Variants in LCTL observed in about 807,000 individuals in gnomAD.
The protein encoded by LCTL is lactase-like protein.
LCTL carries 76 observed loss-of-function variants against 75.8 expected under a neutral mutation model. The observed-to-expected ratio is 1.00, with a 90% CI of 0.83 to 1.21. The LOEUF is 1.21. Among genes scored for constraint, LCTL ranks in the 50% most tolerant of loss-of-function variants. LCTL has a pLI of 0.00. For synonymous variants in LCTL, 271 were observed against 268.8 expected, an observed-to-expected ratio of 1.01 and a Z score of -0.08; for missense variants, 670 against 712.4, an observed-to-expected ratio of 0.94 and a Z score of 0.68.
chr15:66,548,546 G>C, exon 13 of LCTL: 1 of 1,613,772 alleles, frequency 6.2e-7, no homozygotes, highest in East Asian at 2.2e-5. Flanking sequence ...AGGACACAGA[G>C]GGAGCAGACA....
intron 12 of LCTL, 153 bp downstream of exon 13, chr15:66,549,888 A>G: frequency 2.1e-6 from 1 of 485,550 alleles, no homozygotes; most frequent in Non-Finnish European, 3.7e-6. Context: ...TTATAAATAG[A>G]AATTTGACAT....
At chr15:66,561,127 A>G (rs374319333) in intron 5 of LCTL, 26 bp from the exon 7 acceptor site, 63 of 1,613,952 alleles carry the variant, frequency 3.9e-5, no homozygotes, top group Non-Finnish European at 5.0e-5. Context: ...GCAGGACCAC[A>G]GGATCCATAA....
chr15:66,562,542 T>C (rs1895915487), intron 4 of LCTL, among the ~76,000 whole-genome samples: 1 of 152,026 alleles, frequency 6.6e-6, no homozygotes, highest in Non-Finnish European at 1.5e-5. Context: ...CTCAAACAAA[T>C]TGTAGAAAAA....
chr15:66,557,842 C>T lies in LCTL; in HGVS notation c.802G>A (p.Val268Met), dbSNP rs750636704. ...AGGTCCTTGGGGTTACTAATGTCCA[C>T]AGGTTCCCCCCAGTCACAGTTCAAT... Residue 268 changes from valine to methionine, a missense_variant, in exon 8 of 13, where the codon GTG becomes ATG. By Grantham distance (21) the Val-to-Met change is conservative. Transcript: ENST00000341509. 3.7e-6 allele frequency: 6 copies of T among 1,614,132 alleles called. No homozygotes were observed. In the South Asian group the frequency reaches 6.6e-5, roughly 18 times the overall value.
At chr15:66,557,600 G>T (rs1040219556) in intron 8 of LCTL, 122 bp downstream of exon 9, 11 of 929,334 alleles carry the variant, frequency 1.2e-5, no homozygotes, top group Non-Finnish European at 1.8e-5. Context: ...TTTGAGTCTG[G>T]ATTATCCCTT....
chr15:66,550,123 A>G lies in LCTL; in HGVS notation c.1525-19T>C, dbSNP rs1895542350. The G allele has an allele frequency of 6.5e-7, 1 of 1,546,384 alleles. No homozygotes were observed. Among genetic ancestry groups the G allele is most frequent in the East Asian group, 2.3e-5 (1 of 44,008 alleles). ...TTTCCACCTAATAAAAACCCACTTG[A>G]TAAGTAATGTTGTCTTAGACTAATT... is the stretch of plus-strand genomic sequence containing the variant. On this transcript the variant is annotated intron_variant, in intron 11 of 12. Transcript: ENST00000341509.
At chr15:66,565,253 G>A in exon 1 of LCTL, 1 of 1,605,562 alleles carries the variant, frequency 6.2e-7, no homozygotes, top group Non-Finnish European at 8.5e-7. Context: ...CGTACCAAGA[G>A]GGAAGGTTCC....
chr15:66,561,888 C>G (rs916990063), intron 4 of LCTL, among the ~76,000 whole-genome samples: 1 of 152,154 alleles, frequency 6.6e-6, no homozygotes, highest in African/African-American at 2.4e-5. Context: ...TCCCAGTCAT[C>G]TTAGCTCAGC....
At chr15:66,551,309 T>C (rs1895588791) in intron 11 of LCTL, among the ~76,000 whole-genome samples, 1 of 126,890 alleles carries the variant, frequency 7.9e-6, no homozygotes, top group Non-Finnish European at 1.6e-5. Flanking sequence ...ATCGCACTAC[T>C]GCACTCCAAC....
chr15:66,552,690 CATT>C (rs35244038), intron 9 of LCTL, among the ~76,000 whole-genome samples: 24,597 of 119,288 alleles, frequency 0.21, 3,168 homozygotes, highest in Middle Eastern at 0.36. Flanking sequence ...AAAAAAAAAA[CATT>C]GTTGGAGGGG....
At chr15:66,556,447 G>A (rs778340944) in intron 8 of LCTL, among the ~76,000 whole-genome samples, 1 of 152,102 alleles carries the variant, frequency 6.6e-6, no homozygotes, top group East Asian at 1.9e-4. Context: ...TGGGATTACA[G>A]TGGCCTACCA....
At chr15:66,564,223 T>C (rs1895964998) in intron 2 of LCTL, 1 of 570,732 alleles carries the variant, frequency 1.8e-6, no homozygotes, top group Non-Finnish European at 3.1e-6. Flanking sequence ...CTGAGAGAAG[T>C]CCATCAGGGT....
chr15:66,564,831 A>G (rs1895984400), exon 2 of LCTL: 1 of 1,611,576 alleles, frequency 6.2e-7, no homozygotes, highest in South Asian at 1.1e-5. Flanking sequence ...CCCACGCCCC[A>G]GGAGAAGCCT....
At chr15:66,552,984 C>T (rs201670869) in exon 9 of LCTL, 4 of 1,441,174 alleles carry the variant, frequency 2.8e-6, no homozygotes, top group Non-Finnish European at 2.7e-6. Flanking sequence ...TGATAATCAC[C>T]TGAGCAAAGT....
chr15:66,558,103 G>A, intron 6 of LCTL, 67 bp from the exon 8 acceptor site: 1 of 1,405,368 alleles, frequency 7.1e-7, no homozygotes, highest in Non-Finnish European at 9.7e-7. Context: ...CAATCTGAGT[G>A]GCCTTTCTTT....
intron 12 of LCTL, chr15:66,548,989 C>G (rs1895491114): frequency 6.4e-6 from 1 of 156,776 alleles, no homozygotes; most frequent in African/African-American, 2.4e-5. Flanking sequence ...TCCAATCTTT[C>G]AAAATATTAT....
chr15:66,555,302 T>A (rs1403405569), intron 8 of LCTL, among the ~76,000 whole-genome samples: 2 of 136,062 alleles, frequency 1.5e-5, no homozygotes, highest in African/African-American at 3.3e-5. Flanking sequence ...TAATTTTAAA[T>A]TTTTTTTTTT....
At chr15:66,549,877 C>A in intron 12 of LCTL, 164 bp downstream of exon 13, 1 of 474,708 alleles carries the variant, frequency 2.1e-6, no homozygotes, top group Non-Finnish European at 3.8e-6. Context: ...CTTTAAAATG[C>A]TTATAAATAG....
intron 6 of LCTL, among the ~76,000 whole-genome samples, chr15:66,558,760 A>G (rs1199406884): frequency 6.8e-6 from 1 of 148,036 alleles, no homozygotes; most frequent in Non-Finnish European, 1.5e-5. Flanking sequence ...CAGTGGTACA[A>G]TCTTGGCTCA....
Sources: allele counts gnomAD v4.1 joint callset (sites outside exome capture counted in the v4.1 genomes callset), GRCh38; gene constraint gnomAD v4.1.1; transcripts MANE v1.5; gene names NCBI Gene and HGNC (gene_info 2026-07-23, HGNC 2026-07-21).